Variants in MICAL3 observed in about 807,000 individuals in gnomAD.
MICAL3 encodes the protein microtubule associated monooxygenase, calponin and LIM domain containing 3.
Under a neutral mutation model 207.4 loss-of-function variants are expected in MICAL3, and 62 were observed. That is an observed-to-expected ratio of 0.30 (90% CI 0.24 to 0.37). The LOEUF (loss-of-function observed/expected upper bound fraction) is 0.37, where lower values mean the gene tolerates loss of function less well. Ranked by LOEUF, MICAL3 falls within the 10% of genes least tolerant of loss-of-function variation. MICAL3 has a pLI of 1.00. For missense variants in MICAL3, 2,368 were observed against 2,635.6 expected (o/e 0.90, Z 2.22); for synonymous variants, 1,077 against 1,069.3 (o/e 1.01, Z -0.14).
rs759279521 is a variant in MICAL3, at chr22:17,818,962, A to C, written c.3699T>G (p.Ala1233=). Residue 1233 remains alanine, a synonymous_variant, in exon 26 of 32, where the codon GCT becomes GCG. Coordinates refer to ENST00000441493, the MANE Select transcript of MICAL3 (RefSeq NM_015241.3). Reference sequence around the variant, plus strand: ...GGCTCCCTGGTGAGACAGGAGTCCTAGCTTCTGGCAGGGTCACTGGCTGTG... The same window carrying C: ...GGCTCCCTGGTGAGACAGGAGTCCTCGCTTCTGGCAGGGTCACTGGCTGTG... ...IRSQPVTLPE[A]RTPVSPGSPQ... 1 of 1,604,586 alleles carries C rather than the reference A, an allele frequency of 6.2e-7. No individual in the cohort carries two copies. Among genetic ancestry groups the C allele is most frequent in the Non-Finnish European group, 8.5e-7 (1 of 1,175,756 alleles).
chr22:17,858,482 C>CT (rs1926166246), intron 19 of MICAL3: 4 of 985,366 alleles, frequency 4.1e-6, no homozygotes, highest in African/African-American at 1.7e-5. Flanking sequence ...CCTGAAATCT[C>CT]TGCCTGGCTG....
At chr22:17,832,920 T>G (rs1380090216) in intron 20 of MICAL3, among the ~76,000 whole-genome samples, 1 of 152,150 alleles carries the variant, frequency 6.6e-6, no homozygotes, top group Non-Finnish European at 1.5e-5. Flanking sequence ...CACCGCTCAC[T>G]GCAAAGCCAC....
rs7288593 is a variant in MICAL3, at chr22:17,890,304, C to T, written c.1695-1074G>A. Reference sequence around the variant, plus strand: ...GCCGCGCTGTCCCTGTGCTGCTTTGCCTTCCTAGAAGACGGTCCCCTAACC... The same window carrying T: ...GCCGCGCTGTCCCTGTGCTGCTTTGTCTTCCTAGAAGACGGTCCCCTAACC... On this transcript the variant is annotated intron_variant, in intron 12 of 31. Coordinates refer to ENST00000441493, the MANE Select transcript of MICAL3 (RefSeq NM_015241.3). Among the ~76,000 whole-genome samples the T allele has an allele frequency of 9.5e-3, 1,448 of 152,208 alleles. 23 individuals are homozygous for T. Among genetic ancestry groups the T allele is most frequent in the African/African-American group, 0.033 (1,379 of 41,496 alleles).
chr22:17,790,485 G>C lies in MICAL3; in HGVS notation c.*247C>G. On this transcript the variant is annotated 3_prime_UTR_variant, in exon 32 of 32. Coordinates refer to ENST00000441493, the MANE Select transcript of MICAL3 (RefSeq NM_015241.3). Reference sequence around the variant, plus strand: ...TCCCCTGCGTCATGCCATACACGCCGTGCTGCTCCTCTGAGTGGGAGGTCC... The same window carrying C: ...TCCCCTGCGTCATGCCATACACGCCCTGCTGCTCCTCTGAGTGGGAGGTCC... 1.8e-6 allele frequency: 1 copy of C among 557,342 alleles called. No individual in the cohort carries two copies. Among genetic ancestry groups the C allele is most frequent in the East Asian group, 2.9e-5 (1 of 34,354 alleles). 34.5% of individuals were successfully genotyped at this position (557,342 alleles called of 1,614,324 possible). A position where few individuals can be genotyped will look rare whatever the true frequency, so the allele number is the denominator to read the frequency against.
chr22:17,913,027 A>C (rs550315485), intron 1 of MICAL3, among the ~76,000 whole-genome samples: 1 of 152,252 alleles, frequency 6.6e-6, no homozygotes, highest in South Asian at 2.1e-4. Context: ...GAGTATTTCT[A>C]TCATGAGAAG....
chr22:17,919,316 C>T (rs183922095), intron 1 of MICAL3, among the ~76,000 whole-genome samples: 9 of 152,316 alleles, frequency 5.9e-5, no homozygotes, highest in Admixed American at 5.2e-4. Flanking sequence ...TTGCCTTGGC[C>T]TCCCACTGGG....
In MICAL3 at chr22:17,817,573, G is replaced by A. The variant is rs936817436; in HGVS notation, c.5088C>T (p.Ser1696=). ...FTSSEGSSGK[S]KKRSSLFSPR... ...GGGAGAAGAGTGACGACCTCTTCTT[G>A]CTCTTCCCACTGGAGCCCTCGGATG... Residue 1696 remains serine (S), a synonymous_variant, in exon 26 of 32, where the codon AGC becomes AGT. Coordinates refer to ENST00000441493, the MANE Select transcript of MICAL3 (RefSeq NM_015241.3). 1.2e-6 allele frequency: 2 copies of A among 1,613,320 alleles called. No homozygotes were observed. Among genetic ancestry groups the A allele is most frequent in the East Asian group, 4.5e-5 (2 of 44,816 alleles).
chr22:17,975,071 T>C (rs1027018828), intron 1 of MICAL3, among the ~76,000 whole-genome samples: 12 of 152,196 alleles, frequency 7.9e-5, no homozygotes, highest in African/African-American at 2.9e-4. Context: ...AAGGCCAGCG[T>C]GGCACAGATT....
intron 1 of MICAL3, among the ~76,000 whole-genome samples, chr22:17,958,392 G>A (rs1934732024): frequency 6.6e-6 from 1 of 152,204 alleles, no homozygotes; most frequent in Non-Finnish European, 1.5e-5. Context: ...GCCAGAGGCA[G>A]TTACGGAAGA....
chr22:17,905,783 G>A (rs1405587701), intron 2 of MICAL3, among the ~76,000 whole-genome samples: 1 of 152,140 alleles, frequency 6.6e-6, no homozygotes, highest in Non-Finnish European at 1.5e-5. Context: ...CCGCTTCCTC[G>A]CACCTACCCC....
chr22:17,900,669 A>C lies in MICAL3; in HGVS notation c.847+173T>G, dbSNP rs1199571593. 6.6e-6 allele frequency among the ~76,000 whole-genome samples: 1 copy of C among 152,180 alleles called. No homozygotes were observed. Among genetic ancestry groups the C allele is most frequent in the Non-Finnish European group, 1.5e-5 (1 of 68,030 alleles). On this transcript the variant is annotated intron_variant, in intron 6 of 31. Coordinates refer to ENST00000441493, the MANE Select transcript of MICAL3 (RefSeq NM_015241.3). This position sits in a 1 kb window ranked among gnomAD's most constrained non-coding sequence, Gnocchi z 4.0. ...GGTTAAGAATACAAGAGGAGGAGAC[A>C]AGTTCTGCAGGAAGCAATGCGCTAG...
At chr22:17,947,430 C>T (rs987519874) in intron 1 of MICAL3, among the ~76,000 whole-genome samples, 3 of 152,158 alleles carry the variant, frequency 2.0e-5, no homozygotes, top group Non-Finnish European at 2.9e-5. Context: ...TCACCTTCAC[C>T]GTGTTCTGTG....
intron 1 of MICAL3, among the ~76,000 whole-genome samples, chr22:18,014,400 A>C (rs1018051626): frequency 2.0e-5 from 3 of 152,200 alleles, no homozygotes; most frequent in Non-Finnish European, 4.4e-5. Context: ...TCGATCTGAA[A>C]ATACCAGAGC....
intron 1 of MICAL3, among the ~76,000 whole-genome samples, chr22:17,922,282 G>C (rs1602225299): frequency 6.6e-6 from 1 of 152,326 alleles, no homozygotes; most frequent in Admixed American, 6.5e-5. Context: ...GATGCGGGCA[G>C]ATGCCAAGAA....
intron 19 of MICAL3, chr22:17,860,891 A>C: frequency 1.0e-6 from 1 of 985,464 alleles, no homozygotes. Flanking sequence ...ACCAGGAACA[A>C]GCAGCTTTAG....
chr22:17,900,728 G>T lies in MICAL3; in HGVS notation c.847+114C>A. 1 of 794,934 alleles carries T rather than the reference G, an allele frequency of 1.3e-6. No homozygotes were observed. The highest frequency in any genetic ancestry group is 2.0e-6 in the Non-Finnish European group (1 of 489,962). The allele number at this position is 794,934 out of a possible 1,614,324, so 49.2% of individuals were successfully genotyped here. On this transcript the variant is annotated intron_variant, in intron 6 of 31. Transcript: ENST00000441493. The surrounding 1 kb of genome is among the most constrained non-coding windows in gnomAD (Gnocchi z 4.0). Reference sequence around the variant, plus strand: ...AACAGGAGTGAAAAGAGCAGGAGGGGCAGACAGTGCAGGAGGGACACCGAC... The same window carrying T: ...AACAGGAGTGAAAAGAGCAGGAGGGTCAGACAGTGCAGGAGGGACACCGAC...
chr22:17,910,803 C>A (rs1223853926), intron 1 of MICAL3, among the ~76,000 whole-genome samples: 1 of 152,194 alleles, frequency 6.6e-6, no homozygotes, highest in African/African-American at 2.4e-5. Context: ...CACAGCAGAG[C>A]AGGGCTATTT....
chr22:17,896,642 T>G, intron 8 of MICAL3, 82 bp downstream of exon 8: 2 of 1,430,098 alleles, frequency 1.4e-6, no homozygotes, highest in Non-Finnish European at 1.9e-6. Context: ...CTGCAGACGC[T>G]CATTCCAAGA....
intron 1 of MICAL3, among the ~76,000 whole-genome samples, chr22:17,912,689 T>C (rs888483140): frequency 2.6e-5 from 4 of 152,228 alleles, no homozygotes; most frequent in African/African-American, 9.7e-5. Context: ...TCCTGCTACT[T>C]TGTTGGATTT....
Sources: allele counts gnomAD v4.1 joint callset (sites outside exome capture counted in the v4.1 genomes callset), GRCh38; gene constraint gnomAD v4.1.1; non-coding constraint Gnocchi (gnomAD v3.1); transcripts MANE v1.5; gene names NCBI Gene and HGNC (gene_info 2026-07-23, HGNC 2026-07-21).